The following TTC28 variants were observed in gnomAD, a reference collection of about 807,000 sequenced individuals.
The protein encoded by TTC28 is tetratricopeptide repeat protein 28.
In TTC28, 61 loss-of-function variants were observed where a neutral mutation model predicts 198.0. The observed-to-expected ratio is 0.31, with a 90% CI of 0.25 to 0.38. TTC28 has a LOEUF of 0.38. Ranked by LOEUF, TTC28 falls within the 10% of genes least tolerant of loss-of-function variation. The probability of loss-of-function intolerance (pLI) is 1.00; values close to 1 mark genes in which losing one functional copy is unlikely to be tolerated. For missense variants in TTC28, 2,678 were observed against 3,164.0 expected, an observed-to-expected ratio of 0.85 and a Z score of 3.69; for synonymous variants, 1,171 against 1,297.8, an observed-to-expected ratio of 0.90 and a Z score of 2.10.
At chr22:28,156,012 T>C (rs1943740742) in intron 6 of TTC28, among the ~76,000 whole-genome samples, 1 of 152,084 alleles carries the variant, frequency 6.6e-6, no homozygotes, top group South Asian at 2.1e-4. Flanking sequence ...CATGAGAAAA[T>C]GTATTTGGCA....
intron 6 of TTC28, among the ~76,000 whole-genome samples, chr22:28,119,132 G>A (rs541207137): frequency 1.3e-5 from 2 of 152,274 alleles, no homozygotes; most frequent in South Asian, 2.1e-4. Flanking sequence ...AAGGCACTGT[G>A]AGCAGAATCA....
chr22:28,634,617 A>C (rs6005828), intron 1 of TTC28, among the ~76,000 whole-genome samples: 2 of 148,224 alleles, frequency 1.3e-5, no homozygotes, highest in Admixed American at 6.8e-5. Flanking sequence ...ATGGAGTCTC[A>C]CTCTGTTGCC....
intron 2 of TTC28, among the ~76,000 whole-genome samples, chr22:28,351,277 A>G (rs1191562277): frequency 1.3e-5 from 2 of 152,194 alleles, no homozygotes; most frequent in Non-Finnish European, 2.9e-5. Context: ...CATTCTACAA[A>G]CAAAAGAGCT....
chr22:28,590,996 A>C (rs2050416502), intron 2 of TTC28, among the ~76,000 whole-genome samples: 1 of 130,922 alleles, frequency 7.6e-6, no homozygotes, highest in Non-Finnish European at 1.6e-5. Context: ...ACAAGAGAGA[A>C]ACTCTGCCTC....
At chr22:28,136,652 T>A (rs984473653) in intron 6 of TTC28, among the ~76,000 whole-genome samples, 2 of 152,230 alleles carry the variant, frequency 1.3e-5, no homozygotes, top group Non-Finnish European at 2.9e-5. Flanking sequence ...CACTTCTGTG[T>A]CCCTGCTTGA....
At chr22:28,243,208 A>AAAAAAAC (rs1569217602) in intron 5 of TTC28, among the ~76,000 whole-genome samples, 1 of 120,788 alleles carries the variant, frequency 8.3e-6, no homozygotes, top group African/African-American at 3.0e-5. Context: ...AAAAAAAAAA[A>AAAAAAAC]AAAAACTAGC....
chr22:28,677,586 C>T (rs2881497), intron 1 of TTC28, among the ~76,000 whole-genome samples: 3 of 152,078 alleles, frequency 2.0e-5, no homozygotes, highest in East Asian at 1.9e-4. Flanking sequence ...TTGCAGTGAG[C>T]GGAGATCATG....
At chr22:28,252,907 T>G (rs1218305192) in intron 5 of TTC28, among the ~76,000 whole-genome samples, 3 of 152,144 alleles carry the variant, frequency 2.0e-5, no homozygotes, top group Non-Finnish European at 4.4e-5. Flanking sequence ...TATACATCCT[T>G]CCTGTCAAAT....
At chr22:28,559,938 C>A (rs2049843124) in intron 2 of TTC28, among the ~76,000 whole-genome samples, 1 of 152,208 alleles carries the variant, frequency 6.6e-6, no homozygotes, top group Admixed American at 6.5e-5. Context: ...GCCCTGATCT[C>A]TCCCATGGGC....
chr22:28,166,384 C>A (rs140314815), intron 5 of TTC28, among the ~76,000 whole-genome samples: 1 of 152,150 alleles, frequency 6.6e-6, no homozygotes, highest in Non-Finnish European at 1.5e-5. Flanking sequence ...CTTCTCAGCA[C>A]CACACCACAC....
intron 2 of TTC28, among the ~76,000 whole-genome samples, chr22:28,510,723 T>C (rs549030321): frequency 3.9e-5 from 6 of 152,234 alleles, no homozygotes; most frequent in African/African-American, 1.4e-4. Flanking sequence ...ATTATCTTCG[T>C]TTGCAGATGA....
rs370746922 is a variant in TTC28 at position 28,382,428 on chromosome 22, C to A, written c.382-75785G>T. Among the ~76,000 whole-genome samples the A allele has an allele frequency of 3.1e-4, 47 of 152,226 alleles. No homozygotes were observed. The East Asian group carries it at 8.7e-3, about 28-fold the overall frequency. ...TGTTTCTGATATAAATGAAGCACAG[C>A]AAATATGATATTCACCTTGTAACAT... is the stretch of plus-strand genomic sequence containing the variant. On this transcript the variant is annotated intron_variant, in intron 2 of 22. Transcript: ENST00000397906.
At chr22:28,116,042 C>A (rs1942618651) in intron 6 of TTC28, among the ~76,000 whole-genome samples, 1 of 152,156 alleles carries the variant, frequency 6.6e-6, no homozygotes, top group South Asian at 2.1e-4. Context: ...ATTTGCTATA[C>A]ATTTATTTCT....
At chr22:28,484,290 T>C (rs956240157) in intron 2 of TTC28, among the ~76,000 whole-genome samples, 4 of 152,016 alleles carry the variant, frequency 2.6e-5, no homozygotes, top group Admixed American at 2.6e-4. Flanking sequence ...AAGATTATTT[T>C]TTATACGGAT....
At chr22:28,399,926 C>T (rs1310819878) in intron 2 of TTC28, among the ~76,000 whole-genome samples, 1 of 152,152 alleles carries the variant, frequency 6.6e-6, no homozygotes, top group South Asian at 2.1e-4. Context: ...AATATGCACA[C>T]TGTAGAAAAT....
At chr22:28,635,120 G>A (rs551257005) in intron 1 of TTC28, among the ~76,000 whole-genome samples, 28 of 152,226 alleles carry the variant, frequency 1.8e-4, no homozygotes, top group Non-Finnish European at 3.7e-4. Flanking sequence ...AGGAGATCGA[G>A]ACCATCCTGG....
chr22:28,640,966 T>C (rs1477517433), intron 1 of TTC28, among the ~76,000 whole-genome samples: 1 of 152,028 alleles, frequency 6.6e-6, no homozygotes, highest in African/African-American at 2.4e-5. Flanking sequence ...AACCAAAATA[T>C]CCATTAATTA....
chr22:28,431,315 G>C (rs1246261028), intron 2 of TTC28, among the ~76,000 whole-genome samples: 1 of 152,086 alleles, frequency 6.6e-6, no homozygotes, highest in Non-Finnish European at 1.5e-5. Context: ...TAATTTAGAA[G>C]CATGTCATTG....
chr22:28,039,654 A>C (rs916893622), intron 12 of TTC28, among the ~76,000 whole-genome samples: 2 of 152,174 alleles, frequency 1.3e-5, no homozygotes, highest in Non-Finnish European at 2.9e-5. Flanking sequence ...ATGTACCCTA[A>C]AACTTAAAGT....
Sources: gnomAD v4.1 joint callset for allele counts (sites outside exome capture counted in the v4.1 genomes callset) on GRCh38, gnomAD v4.1.1 for gene constraint, MANE v1.5 for transcripts, NCBI Gene and HGNC (gene_info 2026-07-23, HGNC 2026-07-21) for gene names.